The following MICAL2 variants were observed in gnomAD, a reference collection of about 807,000 sequenced individuals.
The protein encoded by MICAL2 is microtubule associated monooxygenase, calponin and LIM domain containing 2, also known as [F-actin]-monooxygenase MICAL2.
Under a neutral mutation model 127.3 loss-of-function variants are expected in MICAL2, and 77 were observed. The ratio of observed to expected loss-of-function variants is 0.60; its 90% CI spans 0.50 to 0.73. MICAL2 has a LOEUF of 0.73. Ranked by LOEUF, MICAL2 falls within the 30% of genes least tolerant of loss-of-function variation. MICAL2 has a pLI of 0.00. For missense variants in MICAL2, 1,351 were observed against 1,434.4 expected (o/e 0.94, Z 0.94); for synonymous variants, 570 against 551.1 (o/e 1.03, Z -0.48).
At chr11:12,213,765 G>A (rs10831765) in intron 7 of MICAL2, among the ~76,000 whole-genome samples, 88,408 of 151,474 alleles carry the variant, frequency 0.58, 27,531 homozygotes, top group Non-Finnish European at 0.7. Context: ...CCTAAGGCAG[G>A]TGGCCAGCAC....
intron 4 of MICAL2, 92 bp downstream of exon 4, chr11:12,204,549 C>T: frequency 7.9e-7 from 1 of 1,273,068 alleles, no homozygotes; most frequent in Non-Finnish European, 1.1e-6. Flanking sequence ...CCAGCTTGTT[C>T]CATCTTAGTC....
chr11:12,228,198 C>T (rs1032816711), intron 15 of MICAL2, among the ~76,000 whole-genome samples: 1 of 152,124 alleles, frequency 6.6e-6, no homozygotes, highest in African/African-American at 2.4e-5. Context: ...GGTGTGGTGA[C>T]AGGTGCCTGT....
chr11:12,258,167 T>C (rs569916462), intron 24 of MICAL2, among the ~76,000 whole-genome samples: 66 of 152,260 alleles, frequency 4.3e-4, no homozygotes, highest in Non-Finnish European at 8.2e-4. Context: ...TCCCATGCCC[T>C]CTCCGGGTGC....
chr11:12,128,640 A>C (rs1334059737), intron 1 of MICAL2, among the ~76,000 whole-genome samples: 1 of 152,230 alleles, frequency 6.6e-6, no homozygotes, highest in Non-Finnish European at 1.5e-5. Flanking sequence ...GGTGGGAGAC[A>C]CTGTGGGTGA....
chr11:12,170,328 T>C (rs1333105910), intron 3 of MICAL2, among the ~76,000 whole-genome samples: 1 of 152,022 alleles, frequency 6.6e-6, no homozygotes, highest in Non-Finnish European at 1.5e-5. Flanking sequence ...TGCATGCCTG[T>C]AGTCTCAACT....
downstream of MICAL2, among the ~76,000 whole-genome samples, chr11:12,359,439 A>G (rs1000609197): frequency 7.2e-5 from 11 of 152,124 alleles, no homozygotes; most frequent in Non-Finnish European, 1.5e-4. Context: ...AAGAGAAGGA[A>G]TGCTTCTCGC....
chr11:12,360,513 C>A (rs1248692963), downstream of MICAL2, among the ~76,000 whole-genome samples: 1 of 152,170 alleles, frequency 6.6e-6, no homozygotes, highest in Non-Finnish European at 1.5e-5. Flanking sequence ...GAATATGCAG[C>A]AATATTCAGG....
chr11:12,168,896 A>G (rs12797256), intron 3 of MICAL2, among the ~76,000 whole-genome samples: 57,738 of 144,736 alleles, frequency 0.4, 14,244 homozygotes, highest in Middle Eastern at 0.56. Flanking sequence ...GCAGTGAGCT[A>G]TGATTGCACC....
chr11:12,195,706 T>TC (rs1491508458), intron 3 of MICAL2, among the ~76,000 whole-genome samples: 1 of 17,746 alleles, frequency 5.6e-5, no homozygotes, highest in Non-Finnish European at 1.4e-4. Flanking sequence ...AATAGATTTC[T>TC]TTTTTTTTTT....
chr11:12,253,271 A>G (rs1163592305), intron 22 of MICAL2: 1 of 152,228 alleles, frequency 6.6e-6, no homozygotes, highest in Admixed American at 6.5e-5. Flanking sequence ...TCACTGGGCC[A>G]TGCACCCCAG....
At chr11:12,312,067 A>G (rs970399424) in intron 29 of MICAL2, among the ~76,000 whole-genome samples, 1 of 151,554 alleles carries the variant, frequency 6.6e-6, no homozygotes, top group Non-Finnish European at 1.5e-5. Context: ...AGTTCATATA[A>G]TAACTTCCTT....
intron 1 of MICAL2, chr11:12,276,451 T>G: frequency 4.0e-6 from 1 of 248,826 alleles, no homozygotes; most frequent in East Asian, 7.3e-5. Flanking sequence ...CCCCATGCTC[T>G]TCTCAGGAGG....
upstream of MICAL2, among the ~76,000 whole-genome samples, chr11:12,271,845 G>A (rs115842636): frequency 5.7e-3 from 873 of 152,270 alleles, 13 homozygotes; most frequent in African/African-American, 0.02. Context: ...TGCAGAAGTC[G>A]GGGAGGAGAC....
chr11:12,188,455 G>A (rs1858618272), intron 3 of MICAL2, among the ~76,000 whole-genome samples: 1 of 151,946 alleles, frequency 6.6e-6, no homozygotes, highest in Non-Finnish European at 1.5e-5. Context: ...GAGTGGCGTG[G>A]TTGGCACGAG....
At chr11:12,251,721 C>G (rs888476197) in intron 22 of MICAL2, among the ~76,000 whole-genome samples, 1 of 151,974 alleles carries the variant, frequency 6.6e-6, no homozygotes, top group African/African-American at 2.4e-5. Context: ...GCGCAGATGA[C>G]CCAGACTGTG....
intron 29 of MICAL2, among the ~76,000 whole-genome samples, chr11:12,316,240 T>C (rs1039268454): frequency 3.9e-5 from 6 of 152,066 alleles, no homozygotes; most frequent in African/African-American, 1.4e-4. Context: ...TCTTTTTAAT[T>C]GCAATGCTTT....
Position 12,162,300 on chromosome 11 carries a change from T to G in MICAL2, c.145T>G (p.Phe49Val). 2 of 1,614,128 alleles carry G rather than the reference T, an allele frequency of 1.2e-6. No individual in the cohort carries two copies. Among genetic ancestry groups the G allele is most frequent in the Non-Finnish European group, 1.7e-6 (2 of 1,179,942 alleles). The change falls in exon 3 of 28, where the codon TTT (phenylalanine) becomes GTT (valine). Residue 49 changes from phenylalanine to valine, a missense_variant. By Grantham distance (50) the Phe-to-Val change is conservative. This residue lies in a region of MICAL2 where 599 missense variants were observed against 714.9 expected (regional missense o/e 0.84). Coordinates refer to ENST00000683283, the MANE Select transcript of MICAL2 (RefSeq NM_001282663.2). Reference sequence around the variant, plus strand: ...CCTAGACCCTCTGGACCACAGAAACTTTTATTCCAAGCTCAAGTCCAAGGT... The same window carrying G: ...CCTAGACCCTCTGGACCACAGAAACGTTTATTCCAAGCTCAAGTCCAAGGT... ...LDLDPLDHRN[F>V]YSKLKSKVTT...
At chr11:12,210,939 C>A (rs909202286) in intron 6 of MICAL2, among the ~76,000 whole-genome samples, 2 of 152,206 alleles carry the variant, frequency 1.3e-5, no homozygotes, top group African/African-American at 2.4e-5. Flanking sequence ...GTGCGACAAC[C>A]AAATATGTCT....
intron 32 of MICAL2, among the ~76,000 whole-genome samples, chr11:12,331,317 G>A (rs1227910238): frequency 6.6e-6 from 1 of 152,164 alleles, no homozygotes; most frequent in East Asian, 1.9e-4. Flanking sequence ...GGAGGTCGAT[G>A]AGAATAATTA....
Sources: allele counts gnomAD v4.1 joint callset (sites outside exome capture counted in the v4.1 genomes callset), GRCh38; gene constraint gnomAD v4.1.1; regional missense constraint gnomAD v4.1.1; transcripts MANE v1.5; gene names NCBI Gene and HGNC (gene_info 2026-07-23, HGNC 2026-07-21).